EYS: variants seen among roughly 807,000 people sequenced by gnomAD.
The protein encoded by EYS is EGF-like photoreceptor maintenance factor.
A neutral mutation model predicts 282.1 loss-of-function variants in EYS; 250 were observed. The ratio of observed to expected loss-of-function variants is 0.89; its 90% CI spans 0.80 to 0.98. The LOEUF (loss-of-function observed/expected upper bound fraction) is 0.98, where lower values mean the gene tolerates loss of function less well. Among genes scored for constraint, EYS ranks in the 50% least tolerant of loss-of-function variants. The probability of loss-of-function intolerance (pLI) is 0.00; values close to 1 mark genes in which losing one functional copy is unlikely to be tolerated. For synonymous variants in EYS, 1,355 were observed against 1,282.9 expected (o/e 1.06, Z -1.20); for missense variants, 4,016 against 3,709.0 (o/e 1.08, Z -2.15).
At chr6:65,669,711 T>G (rs1349199467) in intron 1 of EYS, among the ~76,000 whole-genome samples, 1 of 151,990 alleles carries the variant, frequency 6.6e-6, no homozygotes, top group Non-Finnish European at 1.5e-5. Flanking sequence ...CCTTGTTTCA[T>G]TTTTTCTGTA....
intron 35 of EYS, among the ~76,000 whole-genome samples, chr6:63,872,461 A>G (rs1278743481): frequency 4.2e-5 from 6 of 142,446 alleles, no homozygotes; most frequent in African/African-American, 1.3e-4. Flanking sequence ...TCCTACATCC[A>G]CTATACCTAA....
intron 2 of EYS, among the ~76,000 whole-genome samples, chr6:65,623,245 T>C (rs986686123): frequency 1.3e-5 from 2 of 152,174 alleles, no homozygotes; most frequent in South Asian, 2.1e-4. Flanking sequence ...CCATTTTTCA[T>C]AGGAACCTAG....
At chr6:65,014,865 G>A (rs570346964) in intron 13 of EYS, among the ~76,000 whole-genome samples, 3 of 152,234 alleles carry the variant, frequency 2.0e-5, no homozygotes, top group Middle Eastern at 3.4e-3. Context: ...ATTAAGTTGA[G>A]GATTTTGTTG....
chr6:65,574,851 T>A (rs1466569416), intron 2 of EYS, among the ~76,000 whole-genome samples: 1 of 152,140 alleles, frequency 6.6e-6, no homozygotes, highest in Non-Finnish European at 1.5e-5. Context: ...TTCTCCAGCA[T>A]AGATTATACT....
chr6:64,919,062 T>G (rs1768253754), intron 15 of EYS, among the ~76,000 whole-genome samples: 2 of 152,204 alleles, frequency 1.3e-5, no homozygotes, highest in African/African-American at 4.8e-5. Context: ...ATATGTAGAT[T>G]CTTTGAAAAG....
At chr6:65,678,906 G>A (rs993882734) in intron 1 of EYS, among the ~76,000 whole-genome samples, 36 of 149,342 alleles carry the variant, frequency 2.4e-4, no homozygotes, top group Non-Finnish European at 4.7e-4. Context: ...AAACCACAAT[G>A]AAATATCAAG....
chr6:65,325,924 T>C (rs2150308242), intron 11 of EYS, among the ~76,000 whole-genome samples: 1 of 152,280 alleles, frequency 6.6e-6, no homozygotes, highest in South Asian at 2.1e-4. Context: ...AGTCAAAGTA[T>C]TAAGCTAATG....
chr6:64,107,098 C>A (rs906763154), intron 31 of EYS, among the ~76,000 whole-genome samples: 1 of 150,948 alleles, frequency 6.6e-6, no homozygotes, highest in Non-Finnish European at 1.5e-5. Context: ...TCCACTGAAG[C>A]CTTCAGCATA....
chr6:64,483,885 G>C (rs1220402913), intron 26 of EYS, among the ~76,000 whole-genome samples: 1 of 151,648 alleles, frequency 6.6e-6, no homozygotes, highest in Non-Finnish European at 1.5e-5. Flanking sequence ...ATTCTAACAT[G>C]TATTGTCTTA....
intron 12 of EYS, among the ~76,000 whole-genome samples, chr6:65,074,581 C>T (rs1561952839): frequency 6.6e-6 from 1 of 151,994 alleles, no homozygotes; most frequent in African/African-American, 2.4e-5. Context: ...CTTCTAGAAG[C>T]AGAGTGTATG....
chr6:64,273,014 G>A (rs562926427), intron 30 of EYS, among the ~76,000 whole-genome samples: 214 of 152,024 alleles, frequency 1.4e-3, no homozygotes, highest in Non-Finnish European at 2.8e-3. Context: ...TTCTATGAGG[G>A]TAATCTATGA....
chr6:65,052,638 C>T (rs771874124), intron 13 of EYS, among the ~76,000 whole-genome samples: 15 of 151,514 alleles, frequency 9.9e-5, no homozygotes, highest in Non-Finnish European at 2.1e-4. Flanking sequence ...AGGTTTTGTT[C>T]AGGTATATTA....
intron 2 of EYS, among the ~76,000 whole-genome samples, chr6:65,612,491 G>T (rs1326069528): frequency 6.6e-6 from 1 of 151,604 alleles, no homozygotes; most frequent in African/African-American, 2.4e-5. Flanking sequence ...AAACTAAATT[G>T]TATTTATTAA....
intron 31 of EYS, among the ~76,000 whole-genome samples, chr6:64,153,028 G>A (rs1774792659): frequency 6.6e-6 from 1 of 152,112 alleles, no homozygotes; most frequent in Admixed American, 6.5e-5. Flanking sequence ...GATGTCATGT[G>A]ATTTATAATA....
chr6:65,004,255 T>G (rs937786422), intron 13 of EYS, among the ~76,000 whole-genome samples: 1 of 147,700 alleles, frequency 6.8e-6, no homozygotes, highest in African/African-American at 2.4e-5. Context: ...ATTTCCTCAT[T>G]CGCTGCACTT....
intron 22 of EYS, among the ~76,000 whole-genome samples, chr6:64,701,824 C>T (rs1033594202): frequency 2.2e-4 from 33 of 151,472 alleles, no homozygotes; most frequent in Non-Finnish European, 4.1e-4. Flanking sequence ...TCTCACAGCC[C>T]TTAAATTTAT....
At chr6:65,278,929 T>C (rs989711907) in intron 12 of EYS, among the ~76,000 whole-genome samples, 1 of 152,048 alleles carries the variant, frequency 6.6e-6, no homozygotes, top group African/African-American at 2.4e-5. Flanking sequence ...TGGCTCCTGC[T>C]TGTAATCCCA....
chr6:65,056,999 TA>T lies in EYS; in HGVS notation c.2137+614del, dbSNP rs200132331. Among the ~76,000 whole-genome samples the T allele has an allele frequency of 4.3e-3, 659 of 151,902 alleles. 7 individuals carry two copies. The highest frequency in any genetic ancestry group is 0.013 in the African/African-American group (538 of 41,490). On this transcript the variant is annotated intron_variant, in intron 13 of 42. Coordinates refer to ENST00000503581, the MANE Select transcript of EYS (RefSeq NM_001142800.2). ...TTTTTAAGGTAAATAGGTATAACAT[TA>T]AAAAAAATCTAAATTAATTTTATTT...
At chr6:65,612,904 A>G (rs1766051527) in intron 2 of EYS, among the ~76,000 whole-genome samples, 1 of 151,724 alleles carries the variant, frequency 6.6e-6, no homozygotes, top group South Asian at 2.1e-4. Context: ...TTCTGGTTAG[A>G]ATTTCATCAA....
Sources: allele counts gnomAD v4.1 joint callset (sites outside exome capture counted in the v4.1 genomes callset), GRCh38; gene constraint gnomAD v4.1.1; transcripts MANE v1.5; gene names NCBI Gene and HGNC (gene_info 2026-07-23, HGNC 2026-07-21).